The following CLYBL variants were observed in gnomAD, a reference collection of about 807,000 sequenced individuals.
The protein encoded by CLYBL is citramalyl-CoA lyase.
In CLYBL, 31 loss-of-function variants were observed where a neutral mutation model predicts 38.9. The ratio of observed to expected loss-of-function variants is 0.80; its 90% CI spans 0.60 to 1.08. The LOEUF (loss-of-function observed/expected upper bound fraction) is 1.08, where lower values mean the gene tolerates loss of function less well. Ranked by LOEUF, CLYBL falls within the 50% of genes least tolerant of loss-of-function variation. The pLI, the probability that CLYBL is intolerant of heterozygous loss-of-function variation, is 0.00. For synonymous variants in CLYBL, 171 were observed against 158.6 expected (o/e 1.08, Z -0.59); for missense variants, 434 against 411.6 (o/e 1.05, Z -0.47).
intron 1 of CLYBL, among the ~76,000 whole-genome samples, chr13:99,696,771 C>A (rs1297178816): frequency 1.3e-5 from 1 of 77,400 alleles, no homozygotes; most frequent in Admixed American, 1.4e-4. Flanking sequence ...ATAGCAAGAC[C>A]CCATCTCTAC....
intron 2 of CLYBL, among the ~76,000 whole-genome samples, chr13:99,775,010 A>G (rs2049482074): frequency 6.6e-6 from 1 of 152,150 alleles, no homozygotes; most frequent in Admixed American, 6.5e-5. Context: ...TTCTTTTGTC[A>G]GGGACAGGGT....
At chr13:99,650,007 T>C (rs942208144) in intron 1 of CLYBL, among the ~76,000 whole-genome samples, 1 of 152,160 alleles carries the variant, frequency 6.6e-6, no homozygotes, top group Non-Finnish European at 1.5e-5. Flanking sequence ...CTCACACCTG[T>C]AATCCCAGCA....
At chr13:99,622,140 C>G (rs2046807678) in intron 1 of CLYBL, among the ~76,000 whole-genome samples, 1 of 152,228 alleles carries the variant, frequency 6.6e-6, no homozygotes, top group Non-Finnish European at 1.5e-5. Flanking sequence ...TTCTGCCACC[C>G]TTTTCCACTT....
At chr13:99,853,118 T>A (rs1325200526) in intron 2 of CLYBL, among the ~76,000 whole-genome samples, 1 of 149,850 alleles carries the variant, frequency 6.7e-6, no homozygotes, top group African/African-American at 2.4e-5. Flanking sequence ...AAGCCATTGT[T>A]CTAACATCTT....
chr13:99,695,667 G>A (rs1232387808), intron 1 of CLYBL, among the ~76,000 whole-genome samples: 1 of 152,012 alleles, frequency 6.6e-6, no homozygotes, highest in African/African-American at 2.4e-5. Flanking sequence ...TTGCAGGTAC[G>A]CACCACCACA....
At chr13:99,729,610 C>G (rs924046698) in intron 1 of CLYBL, among the ~76,000 whole-genome samples, 1 of 152,126 alleles carries the variant, frequency 6.6e-6, no homozygotes, top group Non-Finnish European at 1.5e-5. Context: ...GAGGGGACTG[C>G]GGAAAGCGCA....
rs532639043 is a variant in CLYBL at position 99,849,885 on chromosome 13, A to C, written c.250-8976A>C. Among the ~76,000 whole-genome samples the C allele has an allele frequency of 6.6e-6, 1 of 152,336 alleles. No homozygotes were observed. Among genetic ancestry groups the C allele is most frequent in the Admixed American group, 6.5e-5 (1 of 15,304 alleles). On this transcript the variant is annotated intron_variant, in intron 2 of 8. Coordinates refer to ENST00000339105, the MANE Select transcript of CLYBL (RefSeq NM_206808.5). The surrounding 1 kb of genome is among the most constrained non-coding windows in gnomAD (Gnocchi z 4.9). ...GAAGTAAGCCCCTTCTTTCCACTGG[A>C]GTTTTCTCTTTCCTGGGAATTTCAT...
intron 2 of CLYBL, among the ~76,000 whole-genome samples, chr13:99,791,211 C>G (rs9300565): frequency 0.43 from 65,766 of 151,884 alleles, 15,545 homozygotes; most frequent in East Asian, 0.71. Flanking sequence ...GAATTTGAGT[C>G]CTGTAATCTC....
At chr13:99,831,034 G>T (rs1250147786) in intron 2 of CLYBL, among the ~76,000 whole-genome samples, 1 of 152,176 alleles carries the variant, frequency 6.6e-6, no homozygotes, top group Non-Finnish European at 1.5e-5. Flanking sequence ...CAGAAGAGAA[G>T]TCAGACACAG....
chr13:99,688,751 C>T (rs570161350), intron 1 of CLYBL, among the ~76,000 whole-genome samples: 4 of 152,192 alleles, frequency 2.6e-5, no homozygotes, highest in African/African-American at 4.8e-5. Context: ...TGACAGTGGC[C>T]GTTCCTGGGT....
intron 1 of CLYBL, among the ~76,000 whole-genome samples, chr13:99,701,116 C>A (rs1398990925): frequency 1.3e-5 from 2 of 152,190 alleles, no homozygotes; most frequent in African/African-American, 4.8e-5. Flanking sequence ...GCCTTGGGTG[C>A]CCTCAGGGGC....
At chr13:99,874,191 A>G (rs961500164) in intron 7 of CLYBL, among the ~76,000 whole-genome samples, 1 of 152,216 alleles carries the variant, frequency 6.6e-6, no homozygotes, top group African/African-American at 2.4e-5. Flanking sequence ...CTCTGCTCCT[A>G]TGTTAATTCC....
At chr13:99,617,553 G>A (rs915554365) in intron 1 of CLYBL, among the ~76,000 whole-genome samples, 2 of 152,208 alleles carry the variant, frequency 1.3e-5, no homozygotes, top group African/African-American at 4.8e-5. Flanking sequence ...TGCTGTTTTC[G>A]TAGTGAGGCA....
intron 2 of CLYBL, among the ~76,000 whole-genome samples, chr13:99,808,846 A>G (rs1404447397): frequency 6.6e-6 from 1 of 152,228 alleles, no homozygotes; most frequent in Non-Finnish European, 1.5e-5. Context: ...GCCTTCATAC[A>G]TCAAATTTCA....
chr13:99,668,609 A>C (rs2047518745), intron 1 of CLYBL, among the ~76,000 whole-genome samples: 1 of 151,852 alleles, frequency 6.6e-6, no homozygotes, highest in South Asian at 2.1e-4. Context: ...AGAAAAAAAG[A>C]ATATTGGCTA....
chr13:99,871,240 A>G (rs111344494), intron 7 of CLYBL, among the ~76,000 whole-genome samples, 178 bp downstream of exon 7: 142 of 152,288 alleles, frequency 9.3e-4, no homozygotes, highest in African/African-American at 3.1e-3. Context: ...TGCCCTGCCC[A>G]TGTTCCTAAA....
At chr13:99,730,369 A>G (rs972212545) in intron 1 of CLYBL, among the ~76,000 whole-genome samples, 1 of 152,196 alleles carries the variant, frequency 6.6e-6, no homozygotes, top group Non-Finnish European at 1.5e-5. Context: ...CAGCACGCTC[A>G]TGGGGGCAGC....
chr13:99,670,308 G>C (rs182620811), intron 1 of CLYBL, among the ~76,000 whole-genome samples: 86 of 152,328 alleles, frequency 5.6e-4, no homozygotes, highest in Middle Eastern at 6.8e-3. Flanking sequence ...AGTGAGCTAT[G>C]ATTGCGTCTG....
chr13:99,874,251 A>G (rs920182632), intron 7 of CLYBL, among the ~76,000 whole-genome samples: 1 of 152,252 alleles, frequency 6.6e-6, no homozygotes, highest in Admixed American at 6.5e-5. Context: ...TAAGGTTTCC[A>G]TCCACAATAT....
Sources: allele counts gnomAD v4.1 joint callset (sites outside exome capture counted in the v4.1 genomes callset), GRCh38; gene constraint gnomAD v4.1.1; non-coding constraint Gnocchi (gnomAD v3.1); transcripts MANE v1.5; gene names NCBI Gene and HGNC (gene_info 2026-07-23, HGNC 2026-07-21).